ITGA8: variants seen among roughly 807,000 people sequenced by gnomAD.
ITGA8 encodes the protein integrin subunit alpha 8.
ITGA8 carries 91 observed loss-of-function variants against 142.3 expected under a neutral mutation model. The observed-to-expected ratio is 0.64, with a 90% CI of 0.54 to 0.76. ITGA8 has a LOEUF of 0.76. Ranked by LOEUF, ITGA8 falls within the 30% of genes least tolerant of loss-of-function variation. The pLI, the probability that ITGA8 is intolerant of heterozygous loss-of-function variation, is 0.00. For synonymous variants in ITGA8, 505 were observed against 485.2 expected (o/e 1.04, Z -0.54); for missense variants, 1,406 against 1,327.7 (o/e 1.06, Z -0.92).
chr10:15,690,202 C>T (rs368421065), intron 2 of ITGA8, among the ~76,000 whole-genome samples: 131 of 152,250 alleles, frequency 8.6e-4, no homozygotes, highest in African/African-American at 2.9e-3. Context: ...AGCCAACATT[C>T]GCACCCGGCC....
At chr10:15,708,437 G>C (rs1434526390) in intron 2 of ITGA8, among the ~76,000 whole-genome samples, 1 of 151,980 alleles carries the variant, frequency 6.6e-6, no homozygotes, top group Non-Finnish European at 1.5e-5. Context: ...ACTGAGTGTT[G>C]GTATAAACGT....
intron 2 of ITGA8, among the ~76,000 whole-genome samples, chr10:15,699,503 A>G (rs550278397): frequency 6.6e-6 from 1 of 152,352 alleles, no homozygotes; most frequent in African/African-American, 2.4e-5. Context: ...AGTCTAGCTC[A>G]TTCTTTTTAA....
chr10:15,687,152 C>G (rs1380697047), intron 3 of ITGA8, among the ~76,000 whole-genome samples: 1 of 152,102 alleles, frequency 6.6e-6, no homozygotes, highest in African/African-American at 2.4e-5. Flanking sequence ...ATGTCAAAAT[C>G]TTTTTGGGGT....
rs773237852 is a variant in ITGA8 at position 15,575,559 on chromosome 10, T to C, written c.2408A>G (p.His803Arg). The change falls in exon 24 of 30, where the codon CAT becomes CGT. Residue 803 changes from histidine to arginine, a missense_variant. Transcript: ENST00000378076. ...SHPPQIVLPI[H>R]NWEPEEEPHK... The stretch of plus-strand genomic sequence containing the variant: ...GGGCTCCTCTTCTGGTTCCCAGTTA[T>C]GAATGGGCAGAACAATCTGCGGAGG... The C allele has an allele frequency of 6.8e-6, 11 of 1,613,884 alleles. No homozygotes were observed. Among genetic ancestry groups the C allele is most frequent in the Non-Finnish European group, 8.5e-6 (10 of 1,179,922 alleles).
chr10:15,631,790 C>A (rs1458005490), intron 13 of ITGA8, among the ~76,000 whole-genome samples: 1 of 148,796 alleles, frequency 6.7e-6, no homozygotes, highest in African/African-American at 2.5e-5. Context: ...TCTAGCCCCA[C>A]CCCCCCCAAA....
intron 11 of ITGA8, among the ~76,000 whole-genome samples, chr10:15,654,729 A>C (rs895741534): frequency 2.6e-5 from 4 of 152,194 alleles, no homozygotes; most frequent in Admixed American, 1.3e-4. Context: ...TGATCCAATA[A>C]TATTTTTGGG....
chr10:15,664,840 A>T (rs908742102), intron 8 of ITGA8, among the ~76,000 whole-genome samples: 3 of 152,146 alleles, frequency 2.0e-5, no homozygotes, highest in Non-Finnish European at 4.4e-5. Context: ...TACAAAGGAC[A>T]TGAACTCATC....
At chr10:15,518,900 T>C (rs368409386) in intron 29 of ITGA8, among the ~76,000 whole-genome samples, 4 of 152,336 alleles carry the variant, frequency 2.6e-5, no homozygotes, top group African/African-American at 9.6e-5. Flanking sequence ...TGTCAAAGGA[T>C]TGATGATAGG....
At chr10:15,598,473 A>T (rs1833045373) in intron 20 of ITGA8, among the ~76,000 whole-genome samples, 1 of 152,222 alleles carries the variant, frequency 6.6e-6, no homozygotes, top group Admixed American at 6.5e-5. Flanking sequence ...CAAGCAAAAA[A>T]CATGAAACAT....
At chr10:15,519,604 G>C (rs1833020423) in intron 28 of ITGA8, among the ~76,000 whole-genome samples, 192 bp from the exon 29 acceptor site, 1 of 152,112 alleles carries the variant, frequency 6.6e-6, no homozygotes, top group South Asian at 2.1e-4. Flanking sequence ...GATCTGCTTG[G>C]TTCTGTAAAA....
intron 8 of ITGA8, among the ~76,000 whole-genome samples, chr10:15,664,627 T>G (rs555321865): frequency 2.6e-5 from 4 of 151,882 alleles, no homozygotes; most frequent in Admixed American, 2.6e-4. Flanking sequence ...TAACTCGTCA[T>G]TTAGCATTAG....
chr10:15,514,802 T>G lies in ITGA8; in HGVS notation c.*2356A>C, dbSNP rs1030153572. On this transcript the variant is annotated 3_prime_UTR_variant, in exon 30 of 30. Transcript: ENST00000378076. ...ATAGGTAGCAGTGCCTGTGGGCAGG[T>G]GGAAGGTGCCCGTCCCTCTAGGAAA... 1 of 152,326 alleles carries G rather than the reference T, an allele frequency of 6.6e-6. No homozygotes were observed. Among genetic ancestry groups the G allele is most frequent in the Non-Finnish European group, 1.5e-5 (1 of 68,170 alleles). The allele number at this position is 152,326 out of a possible 1,614,324, so 9.4% of individuals were successfully genotyped here.
At chr10:15,583,117 A>T (rs372609113) in intron 23 of ITGA8, among the ~76,000 whole-genome samples, 1 of 152,334 alleles carries the variant, frequency 6.6e-6, no homozygotes. Flanking sequence ...ACCAACTGAA[A>T]TGCCCATCCA....
At chr10:15,530,849 G>A (rs1426945161) in intron 28 of ITGA8, among the ~76,000 whole-genome samples, 2 of 152,152 alleles carry the variant, frequency 1.3e-5, no homozygotes, top group Non-Finnish European at 2.9e-5. Flanking sequence ...ATTTTCTGGG[G>A]TAGACATTTA....
intron 2 of ITGA8, among the ~76,000 whole-genome samples, chr10:15,688,334 G>A (rs557670259): frequency 9.3e-5 from 14 of 150,966 alleles, no homozygotes; most frequent in Middle Eastern, 3.2e-3. Context: ...TGCTGGGCGT[G>A]GTGGCTTATG....
intron 3 of ITGA8, among the ~76,000 whole-genome samples, chr10:15,684,784 A>C (rs991882107): frequency 2.0e-5 from 3 of 152,202 alleles, no homozygotes; most frequent in Non-Finnish European, 2.9e-5. Context: ...ATAAAAGCAA[A>C]TGATCATGTA....
At chr10:15,614,212 C>T (rs1049502789) in intron 14 of ITGA8, among the ~76,000 whole-genome samples, 1 of 152,100 alleles carries the variant, frequency 6.6e-6, no homozygotes, top group African/African-American at 2.4e-5. Context: ...TTTGTGAGTA[C>T]TTGAAGTTTG....
chr10:15,533,553 T>C (rs1588628758), intron 27 of ITGA8, among the ~76,000 whole-genome samples: 1 of 152,228 alleles, frequency 6.6e-6, no homozygotes, highest in South Asian at 2.1e-4. Context: ...ATTATAATTA[T>C]ATTCTCAAAT....
chr10:15,652,759 A>G (rs1041603999), intron 11 of ITGA8, among the ~76,000 whole-genome samples: 5 of 152,226 alleles, frequency 3.3e-5, no homozygotes, highest in African/African-American at 1.2e-4. Flanking sequence ...TGCAGAGAGC[A>G]AGCACTGCAA....
Sources: allele counts gnomAD v4.1 joint callset (sites outside exome capture counted in the v4.1 genomes callset), GRCh38; gene constraint gnomAD v4.1.1; transcripts MANE v1.5; gene names NCBI Gene and HGNC (gene_info 2026-07-23, HGNC 2026-07-21).